Variants in PADI1 observed in about 807,000 individuals in gnomAD.
PADI1 encodes the protein peptidyl arginine deiminase 1.
In PADI1, 65 loss-of-function variants were observed where a neutral mutation model predicts 74.8. The ratio of observed to expected loss-of-function variants is 0.87; its 90% CI spans 0.71 to 1.07. The LOEUF is 1.07. PADI1 is among the 50% of genes least tolerant of loss of function. The pLI, the probability that PADI1 is intolerant of heterozygous loss-of-function variation, is 0.00. For synonymous variants in PADI1, 371 were observed against 336.2 expected (o/e 1.10, Z -1.13); for missense variants, 943 against 854.0 (o/e 1.10, Z -1.30).
intron 15 of PADI1, 40 bp from the exon 16 acceptor site, chr1:17,243,970 A>G (rs1262624773): frequency 1.4e-6 from 2 of 1,435,146 alleles, no homozygotes; most frequent in Non-Finnish European, 9.7e-7. Flanking sequence ...CACAGCACTT[A>G]TAGCCAGACA....
chr1:17,227,332 G>T (rs1248522526), intron 6 of PADI1, among the ~76,000 whole-genome samples: 1 of 151,348 alleles, frequency 6.6e-6, no homozygotes, highest in East Asian at 1.9e-4. Flanking sequence ...AGGATCACTT[G>T]AGCCCAGGAG....
intron 7 of PADI1, 60 bp downstream of exon 7, chr1:17,228,857 G>A: frequency 6.2e-7 from 1 of 1,600,320 alleles, no homozygotes; most frequent in Non-Finnish European, 8.5e-7. Context: ...CCAGTTTGCA[G>A]GCTCCAGGGC....
chr1:17,224,246 C>T, intron 3 of PADI1, 121 bp from the exon 4 acceptor site: 1 of 807,062 alleles, frequency 1.2e-6, no homozygotes, highest in Non-Finnish European at 2.1e-6. Flanking sequence ...GTCTGACCCC[C>T]AGACAGGGCT....
intron 12 of PADI1, 98 bp from the exon 13 acceptor site, chr1:17,238,518 C>A: frequency 2.0e-6 from 1 of 507,946 alleles, no homozygotes; most frequent in Non-Finnish European, 3.3e-6. Context: ...AGAGGGGAGT[C>A]CCAAGAACTG....
At chr1:17,243,854 C>T (rs187098991) in intron 15 of PADI1, among the ~76,000 whole-genome samples, 156 bp from the exon 16 acceptor site, 9 of 152,278 alleles carry the variant, frequency 5.9e-5, no homozygotes, top group Non-Finnish European at 1.0e-4. Flanking sequence ...TTCATAGGCC[C>T]TAACTCTTGA....
At chr1:17,217,892 G>A (rs143339402) in intron 1 of PADI1, among the ~76,000 whole-genome samples, 238 of 152,304 alleles carry the variant, frequency 1.6e-3, no homozygotes, top group Non-Finnish European at 2.8e-3. Flanking sequence ...AGTGTATTGC[G>A]TCTATAGCCA....
chr1:17,238,514 G>T lies in PADI1; in HGVS notation c.1459-102G>T, dbSNP rs2072702344. ...GGGGTGTAGACCGAGTGGGAGAGGG[G>T]AGTCCCAAGAACTGTCAGGCCCCTC... On this transcript the variant is annotated intron_variant, in intron 12 of 15. Transcript: ENST00000375471. 1.3e-5 allele frequency: 6 copies of T among 476,742 alleles called. No homozygotes were observed. The South Asian group carries it at 3.6e-4, about 29-fold the overall frequency. The allele number at this position is 476,742 out of a possible 1,614,324, so 29.5% of individuals were successfully genotyped here.
Position 17,226,020 on chromosome 1 carries a change from C to A in PADI1, c.527-13C>A. ...TGGAGAAAGGGCGATCTCAAGAGGG[C>A]CACTCTCTCCAGACCTGCAGGACAT... On this transcript the variant is annotated splice_polypyrimidine_tract_variant and intron_variant, in intron 5 of 15. Coordinates refer to ENST00000375471, the MANE Select transcript of PADI1 (RefSeq NM_013358.3). The A allele has an allele frequency of 6.2e-7, 1 of 1,613,804 alleles. No homozygotes were observed. The highest frequency in any genetic ancestry group is 1.1e-5 in the South Asian group (1 of 91,060).
At chr1:17,234,137 T>C (rs1180633533) in intron 11 of PADI1, among the ~76,000 whole-genome samples, 7 of 152,210 alleles carry the variant, frequency 4.6e-5, no homozygotes, top group Non-Finnish European at 7.4e-5. Context: ...GCCAGCTACA[T>C]GATTTGGGAT....
At chr1:17,241,449 CCGAGGGT>C (rs1387866847) in intron 15 of PADI1, among the ~76,000 whole-genome samples, 2 of 150,192 alleles carry the variant, frequency 1.3e-5, no homozygotes, top group African/African-American at 4.9e-5. Flanking sequence ...TTGGGACAAG[CCGAGGGT>C]TGGAAGTGAA....
intron 7 of PADI1, 50 bp from the exon 8 acceptor site, chr1:17,228,898 G>T (rs1266384853): frequency 1.3e-6 from 2 of 1,577,134 alleles, no homozygotes; most frequent in South Asian, 2.2e-5. Context: ...GGGGCTTGAG[G>T]CAGGCTAGGG....
intron 1 of PADI1, among the ~76,000 whole-genome samples, chr1:17,218,914 G>C (rs1028290231): frequency 6.6e-6 from 1 of 152,100 alleles, no homozygotes; most frequent in African/African-American, 2.4e-5. Context: ...TGGGAGATGA[G>C]GTGGTGGGAG....
At chr1:17,227,551 A>G (rs1372926259) in intron 6 of PADI1, among the ~76,000 whole-genome samples, 4 of 142,322 alleles carry the variant, frequency 2.8e-5, no homozygotes, top group Non-Finnish European at 6.5e-5. Flanking sequence ...ATAAATAAAT[A>G]AATAAATAAA....
chr1:17,230,130 G>A lies in PADI1; in HGVS notation c.975G>A (p.Met325Ile), dbSNP rs372296285. 4 of 1,613,932 alleles carry A rather than the reference G, an allele frequency of 2.5e-6. No homozygotes were observed. Among genetic ancestry groups the A allele is most frequent in the East Asian group, 4.5e-5 (2 of 44,884 alleles). Residue 325 changes from methionine (M) to isoleucine (I), a missense_variant, in exon 9 of 16, where the codon ATG becomes ATA. Met to Ile is a conservative substitution (Grantham distance 10). Transcript: ENST00000375471. ...HGSNEKFLED[M>I]SYLTLKANCK... ...CCAATGAGAAATTCCTGGAGGACATGTCTTATCTGACATTGAAAGCCAACT... is the reference window on the plus strand; with the variant it reads ...CCAATGAGAAATTCCTGGAGGACATATCTTATCTGACATTGAAAGCCAACT...
At chr1:17,226,424 T>A (rs1362553434) in intron 6 of PADI1, among the ~76,000 whole-genome samples, 1 of 152,084 alleles carries the variant, frequency 6.6e-6, no homozygotes. Context: ...AACCCAGGTG[T>A]CTTGGGTGCA....
Position 17,228,937 on chromosome 1 carries a change from T to G in PADI1, c.826-11T>G, listed in dbSNP as rs761984810. The G allele has an allele frequency of 1.3e-6, 2 of 1,594,060 alleles. No individual in the cohort carries two copies. The highest frequency in any genetic ancestry group is 1.7e-6 in the Non-Finnish European group (2 of 1,167,370). On this transcript the variant is annotated splice_polypyrimidine_tract_variant and intron_variant, in intron 7 of 15. Transcript: ENST00000375471. Reference sequence around the variant, plus strand: ...CCTGCAGGGCCCACCAAGTCCTCATTTTCCCCTCAGACCCTGCCCGAGGTG... The same window carrying G: ...CCTGCAGGGCCCACCAAGTCCTCATGTTCCCCTCAGACCCTGCCCGAGGTG...
chr1:17,225,816 C>T lies in PADI1; in HGVS notation c.414C>T (p.Thr138=). The T allele has an allele frequency of 6.2e-7, 1 of 1,613,654 alleles. No individual in the cohort carries two copies. Among genetic ancestry groups the T allele is most frequent in the Non-Finnish European group, 8.5e-7 (1 of 1,179,606 alleles). ...GGCATCTTATTTTGCCACAGAAAAC[C>T]TGGCGCTGGGGCCCTGAGGGCTATG... ...KVKRSQGDKK[T]WRWGPEGYGA... The change falls in exon 5 of 16, where the codon ACC becomes ACT. Residue 138 remains threonine (T), a synonymous_variant. Transcript: ENST00000375471.
chr1:17,220,058 G>A (rs1368065686), intron 1 of PADI1, among the ~76,000 whole-genome samples: 1 of 152,062 alleles, frequency 6.6e-6, no homozygotes. Flanking sequence ...TAAACGATGA[G>A]GAAGAGCAGG....
In PADI1 at chr1:17,244,098, T is replaced by C. The variant is rs772609124; in HGVS notation, c.1847T>C (p.Val616Ala). The stretch of plus-strand genomic sequence containing the variant: ...GGCCGCTGCTGCCTGGAGGAGAAGG[T>C]GCAGTCCCTGCTGGAGCCTCTGGGC... The part of the protein sequence containing the change: ...INGRCCLEEK[V>A]QSLLEPLGLH... Residue 616 changes from valine (V) to alanine (A), a missense_variant, in exon 16 of 16, where the codon GTG becomes GCG. Val to Ala is a moderately conservative substitution (Grantham distance 64). Coordinates refer to ENST00000375471, the MANE Select transcript of PADI1 (RefSeq NM_013358.3). 4 of 1,614,212 alleles carry C rather than the reference T, an allele frequency of 2.5e-6. No individual in the cohort carries two copies. In the East Asian group the frequency reaches 6.7e-5, roughly 27 times the overall value.
Sources: allele counts gnomAD v4.1 joint callset (sites outside exome capture counted in the v4.1 genomes callset), GRCh38; gene constraint gnomAD v4.1.1; transcripts MANE v1.5; gene names NCBI Gene and HGNC (gene_info 2026-07-23, HGNC 2026-07-21).